ABI3BP: variants seen among roughly 807,000 people sequenced by gnomAD.
ABI3BP encodes the protein ABI family member 3 binding protein, also known as target of Nesh-SH3.
In ABI3BP, 216 loss-of-function variants were observed where a neutral mutation model predicts 268.6. The ratio of observed to expected loss-of-function variants is 0.80; its 90% CI spans 0.72 to 0.90. The LOEUF (loss-of-function observed/expected upper bound fraction) is 0.90. Among genes scored for constraint, ABI3BP ranks in the 40% least tolerant of loss-of-function variants. The probability of loss-of-function intolerance (pLI) is 0.00; values close to 1 mark genes in which losing one functional copy is unlikely to be tolerated. For missense variants in ABI3BP, 2,090 were observed against 2,182.4 expected, an observed-to-expected ratio of 0.96 and a Z score of 0.84; for synonymous variants, 730 against 730.0, an observed-to-expected ratio of 1.00 and a Z score of 0.00.
chr3:100,846,362 G>T lies in ABI3BP; in HGVS notation c.1723+10C>A. ...CTTTTGGAATATTCAAAAAAGTTTA[G>T]GGTAATTACCAGGTTTGGTGTGTGT... On this transcript the variant is annotated intron_variant, in intron 20 of 67. Transcript: ENST00000471714. The T allele has an allele frequency of 6.4e-7, 1 of 1,565,754 alleles. No individual in the cohort carries two copies.
intron 62 of ABI3BP, among the ~76,000 whole-genome samples, chr3:100,768,181 T>C (rs374102937): frequency 2.5e-4 from 37 of 145,950 alleles, no homozygotes; most frequent in South Asian, 1.6e-3. Context: ...CTCCGCCTCC[T>C]GGGTTCACTC....
intron 1 of ABI3BP, among the ~76,000 whole-genome samples, chr3:100,974,881 G>T (rs1467019673): frequency 6.6e-6 from 1 of 152,112 alleles, no homozygotes; most frequent in South Asian, 2.1e-4. Flanking sequence ...ATGTGACATG[G>T]AATAACAGGT....
chr3:100,919,256 T>A (rs997340073), intron 2 of ABI3BP, among the ~76,000 whole-genome samples: 1 of 152,234 alleles, frequency 6.6e-6, no homozygotes, highest in Non-Finnish European at 1.5e-5. Flanking sequence ...CTTCAATGAA[T>A]GCATAATCAC....
chr3:100,969,445 C>G (rs1242925182), intron 1 of ABI3BP, among the ~76,000 whole-genome samples: 1 of 152,160 alleles, frequency 6.6e-6, no homozygotes, highest in East Asian at 1.9e-4. Flanking sequence ...GAGCCAAGTA[C>G]TAAAGGGATG....
At chr3:100,974,178 G>A (rs1000090439) in intron 1 of ABI3BP, among the ~76,000 whole-genome samples, 2 of 152,088 alleles carry the variant, frequency 1.3e-5, no homozygotes, top group Non-Finnish European at 2.9e-5. Context: ...AAATGTTGTA[G>A]CCACTTAGGA....
Position 100,833,326 on chromosome 3 carries a change from T to C in ABI3BP, c.2282-169A>G, listed in dbSNP as rs59590198. ...GTGAGGGTACATATTTATTTGCTTT[T>C]ATGAAACAGATATAACCTTAGCATC... On this transcript the variant is annotated intron_variant, in intron 29 of 67. Transcript: ENST00000471714. 0.023 allele frequency among the ~76,000 whole-genome samples: 3,429 copies of C among 152,292 alleles called. 329 individuals carry two copies. The East Asian group carries it at 0.28, about 12-fold the overall frequency.
rs1488800323 is a variant in ABI3BP at position 100,787,711 on chromosome 3, A to C, written c.4162+17T>G. The C allele has an allele frequency of 1.3e-6, 2 of 1,503,830 alleles. No homozygotes were observed. The highest frequency in any genetic ancestry group is 1.8e-6 in the Non-Finnish European group (2 of 1,129,708). 93.2% of individuals were successfully genotyped at this position (1,503,830 alleles called of 1,614,324 possible). A position where few individuals can be genotyped will look rare whatever the true frequency, so the allele number is the denominator to read the frequency against. On this transcript the variant is annotated intron_variant, in intron 57 of 67. Coordinates refer to ENST00000471714, the MANE Select transcript of ABI3BP (RefSeq NM_001375547.2). The stretch of plus-strand genomic sequence containing the variant: ...AGTTTTGACAGGATAAAAAGGAAAT[A>C]CATTTGTGATTATTACCTGTTCCCA...
At position 100,812,479 on chromosome 3, in the gene ABI3BP, T is replaced by G; in HGVS notation, c.3409A>C (p.Lys1137Gln). 1 of 1,323,278 alleles carries G rather than the reference T, an allele frequency of 7.6e-7. No homozygotes were observed. Among genetic ancestry groups the G allele is most frequent in the Non-Finnish European group, 9.6e-7 (1 of 1,037,842 alleles). The allele number at this position is 1,323,278 out of a possible 1,614,324, so 82.0% of individuals were successfully genotyped here. A position where few individuals can be genotyped will look rare whatever the true frequency, so the allele number is the denominator to read the frequency against. ...GGAACATTTTTACCTATGGTCTCCTTTGGTGACTCAGTACTAAGTGTAACC... is the reference window on the plus strand; with the variant it reads ...GGAACATTTTTACCTATGGTCTCCTGTGGTGACTCAGTACTAAGTGTAACC... ...ESVTLSTESP[K>Q]ETIAPAKTDY... is the part of the protein sequence containing the mutation. The change falls in exon 46 of 68, where the codon AAG becomes CAG. Residue 1137 changes from lysine (K) to glutamine (Q), a missense_variant. Transcript: ENST00000471714.
intron 6 of ABI3BP, among the ~76,000 whole-genome samples, chr3:100,878,214 G>T (rs777352547): frequency 6.6e-6 from 1 of 152,032 alleles, no homozygotes; most frequent in Non-Finnish European, 1.5e-5. Context: ...ATGGAAAAAT[G>T]CAGAATATAA....
rs184894140 is a variant in ABI3BP, at chr3:100,802,519, C to T, written c.3757+2273G>A. On this transcript the variant is annotated intron_variant, in intron 51 of 67. Transcript: ENST00000471714. ...TTGGTGTGGACATGGAGTGTGGGCCCGATTTGTCAAGATTCCTCATTAAAT... is the reference window on the plus strand; with the variant it reads ...TTGGTGTGGACATGGAGTGTGGGCCTGATTTGTCAAGATTCCTCATTAAAT... Among the ~76,000 whole-genome samples the T allele has an allele frequency of 1.2e-3, 180 of 152,174 alleles. 1 individual carries two copies. The highest frequency in any genetic ancestry group is 3.6e-3 in the African/African-American group (151 of 41,528).
chr3:100,778,209 C>T, intron 59 of ABI3BP, 75 bp downstream of exon 59: 1 of 1,424,078 alleles, frequency 7.0e-7, no homozygotes, highest in South Asian at 1.2e-5. Context: ...CTGTTGCTAG[C>T]ACGCCAAGAA....
intron 4 of ABI3BP, among the ~76,000 whole-genome samples, chr3:100,898,499 T>G (rs187017128): frequency 6.6e-6 from 1 of 152,334 alleles, no homozygotes; most frequent in African/African-American, 2.4e-5. Context: ...AGTTTCTAAT[T>G]GCACTTATTA....
intron 63 of ABI3BP, 44 bp downstream of exon 63, chr3:100,765,797 T>A: frequency 1.4e-6 from 2 of 1,392,996 alleles, no homozygotes; most frequent in Non-Finnish European, 2.0e-6. Context: ...TGGTTATAAC[T>A]TTTGCACTCT....
At position 100,763,231 on chromosome 3, in the gene ABI3BP, C is replaced by T. The variant is rs183271211; in HGVS notation, c.4850+2610G>A. On this transcript the variant is annotated intron_variant, in intron 63 of 67. Coordinates refer to ENST00000471714, the MANE Select transcript of ABI3BP (RefSeq NM_001375547.2). ...ATCCCAGCACTTTGGGAAGCTGAGGCAGGTTAGTCACCTGAGGTCAGGAGT... is the reference window on the plus strand; with the variant it reads ...ATCCCAGCACTTTGGGAAGCTGAGGTAGGTTAGTCACCTGAGGTCAGGAGT... Among the ~76,000 whole-genome samples the T allele has an allele frequency of 3.5e-3, 528 of 152,026 alleles. 5 individuals are homozygous for T. The highest frequency in any genetic ancestry group is 5.1e-3 in the Non-Finnish European group (345 of 67,958).
chr3:100,905,854 AAAAT>A (rs2053184273), intron 2 of ABI3BP, among the ~76,000 whole-genome samples: 1 of 151,730 alleles, frequency 6.6e-6, no homozygotes, highest in Admixed American at 6.5e-5. Flanking sequence ...AATAGTAAAT[AAAAT>A]AAATAAATAA....
intron 14 of ABI3BP, among the ~76,000 whole-genome samples, chr3:100,860,149 A>G (rs2098982535): frequency 6.6e-6 from 1 of 152,232 alleles, no homozygotes; most frequent in African/African-American, 2.4e-5. Flanking sequence ...TCTTGTTTCA[A>G]TAGATCTAGA....
At position 100,990,410 on chromosome 3, in the gene ABI3BP, GT is replaced by G. The variant is rs1166427476; in HGVS notation, c.79+2895del. On this transcript the variant is annotated intron_variant, in intron 1 of 67. Transcript: ENST00000471714. ...TTGACAAAACTATAGTCATTTAGTG[GT>G]GGGGAGGAGAAAAGCTCCATTAATA... Among the ~76,000 whole-genome samples the G allele has an allele frequency of 3.3e-5, 5 of 152,014 alleles. No homozygotes were observed. In the East Asian group the frequency reaches 9.7e-4, roughly 29 times the overall value.
intron 1 of ABI3BP, among the ~76,000 whole-genome samples, chr3:100,987,705 CAATA>C (rs1349297922): frequency 2.0e-5 from 3 of 152,048 alleles, no homozygotes; most frequent in Admixed American, 2.0e-4. Flanking sequence ...TTTTATGCAG[CAATA>C]GATAGCTAAC....
chr3:100,796,328 C>T, intron 52 of ABI3BP, 81 bp downstream of exon 52: 7 of 1,133,600 alleles, frequency 6.2e-6, no homozygotes, highest in Non-Finnish European at 7.3e-6. Context: ...ATATCACAAC[C>T]ATTAAAAATA....
Sources: gnomAD v4.1 joint callset for allele counts (sites outside exome capture counted in the v4.1 genomes callset) on GRCh38, gnomAD v4.1.1 for gene constraint, MANE v1.5 for transcripts, NCBI Gene and HGNC (gene_info 2026-07-23, HGNC 2026-07-21) for gene names.